Variants in NGF observed in about 807,000 individuals in gnomAD.
NGF encodes nerve growth factor.
In NGF, 4 loss-of-function variants were observed where a neutral mutation model predicts 12.8. The observed-to-expected ratio is 0.31, with a 90% confidence interval of 0.15 to 0.72. NGF has a LOEUF of 0.72. Ranked by LOEUF, NGF falls within the 30% of genes least tolerant of loss-of-function variation. NGF has a pLI of 0.69. For missense variants in NGF, 283 were observed against 330.8 expected, an observed-to-expected ratio of 0.86 and a Z score of 1.12; for synonymous variants, 140 against 130.0, an observed-to-expected ratio of 1.08 and a Z score of -0.52.
At chr1:115,332,046 T>C (rs755593952) in intron 1 of NGF, among the ~76,000 whole-genome samples, 1 of 152,222 alleles carries the variant, frequency 6.6e-6, no homozygotes, top group Non-Finnish European at 1.5e-5. Context: ...CCCACTGCCA[T>C]AGCAAAATTC....
intron 1 of NGF, among the ~76,000 whole-genome samples, chr1:115,299,018 T>A (rs549866474): frequency 2.6e-5 from 4 of 152,200 alleles, no homozygotes; most frequent in Non-Finnish European, 4.4e-5. Context: ...GAATTTGAAA[T>A]CTTTTCTAGT....
intron 2 of NGF, among the ~76,000 whole-genome samples, chr1:115,293,116 A>G (rs1279977696): frequency 2.0e-5 from 3 of 152,152 alleles, no homozygotes; most frequent in African/African-American, 4.8e-5. Context: ...TATTATTCCT[A>G]TTTTAACAAT....
At chr1:115,336,223 T>C (rs1447390073) in intron 1 of NGF, among the ~76,000 whole-genome samples, 1 of 152,140 alleles carries the variant, frequency 6.6e-6, no homozygotes, top group Non-Finnish European at 1.5e-5. Flanking sequence ...ATTTCTCTGG[T>C]GGGCCTGGGC....
chr1:115,293,482 G>T lies in NGF; in HGVS notation c.-13+145C>A, dbSNP rs3738701. The stretch of plus-strand genomic sequence containing the variant: ...TGAGTGGGCTAGGGGAGCTGCATTT[G>T]CTGCACCACTGAAAGCTTCTCTAGG... On this transcript the variant is annotated intron_variant, in intron 2 of 2. Coordinates refer to ENST00000369512, the MANE Select transcript of NGF (RefSeq NM_002506.3). The T allele has an allele frequency of 0.023, 3,475 of 152,558 alleles. 114 individuals carry two copies. Among genetic ancestry groups the T allele is most frequent in the East Asian group, 0.081 (420 of 5,172 alleles). 9.5% of individuals were successfully genotyped at this position (152,558 alleles called of 1,614,324 possible). A position where few individuals can be genotyped will look rare whatever the true frequency, so the allele number is the denominator to read the frequency against.
chr1:115,311,225 A>T (rs1191119203), intron 1 of NGF, among the ~76,000 whole-genome samples: 2 of 152,224 alleles, frequency 1.3e-5, no homozygotes, highest in African/African-American at 4.8e-5. Context: ...TTTAGTCAGC[A>T]GGAGTTCTTT....
At chr1:115,321,437 A>ATTTGC (rs1654622375) in intron 1 of NGF, among the ~76,000 whole-genome samples, 4 of 152,156 alleles carry the variant, frequency 2.6e-5, no homozygotes, top group Non-Finnish European at 5.9e-5. Flanking sequence ...CATTTATTAT[A>ATTTGC]AACAAAAGGA....
chr1:115,308,818 T>C (rs1654267751), intron 1 of NGF, among the ~76,000 whole-genome samples: 1 of 152,232 alleles, frequency 6.6e-6, no homozygotes, highest in Non-Finnish European at 1.5e-5. Context: ...GGGTGATTCT[T>C]AGTGTCATTC....
In NGF at chr1:115,321,576, A is replaced by ATGTG. The variant is rs59590858; in HGVS notation, c.-137+16624_-137+16627dup. On this transcript the variant is annotated intron_variant, in intron 1 of 2. Transcript: ENST00000369512. ...CACTTTTGCATGATGTGTGTATGGG[A>ATGTG]TGTGTGTGTGTGTGTGTGTGTGTGT... 7.2e-3 allele frequency among the ~76,000 whole-genome samples: 959 copies of ATGTG among 133,230 alleles called. 8 individuals are homozygous for ATGTG. The highest frequency in any genetic ancestry group is 0.014 in the South Asian group (48 of 3,504). The allele number at this position is 133,230 out of a possible 152,430, so 87.4% of individuals were successfully genotyped here.
chr1:115,307,258 G>T (rs183154678), intron 1 of NGF, among the ~76,000 whole-genome samples: 1 of 152,306 alleles, frequency 6.6e-6, no homozygotes, highest in East Asian at 1.9e-4. Context: ...GGATACAATT[G>T]AGAGAGGAGG....
intron 1 of NGF, among the ~76,000 whole-genome samples, chr1:115,319,111 C>T (rs1239422371): frequency 2.0e-5 from 3 of 152,244 alleles, no homozygotes; most frequent in African/African-American, 7.2e-5. Context: ...TTGCGTTCCA[C>T]AGTGTCTTCT....
At chr1:115,332,776 C>A (rs550007215) in intron 1 of NGF, among the ~76,000 whole-genome samples, 1 of 152,182 alleles carries the variant, frequency 6.6e-6, no homozygotes, top group East Asian at 1.9e-4. Flanking sequence ...CCCCGTCCTT[C>A]CCCCTGCTTA....
chr1:115,335,733 C>T (rs1475834146), intron 1 of NGF, among the ~76,000 whole-genome samples: 1 of 152,192 alleles, frequency 6.6e-6, no homozygotes, highest in Non-Finnish European at 1.5e-5. Flanking sequence ...CCAGGTCTGG[C>T]ACTGACATCT....
At chr1:115,306,604 G>C (rs996161941) in intron 1 of NGF, among the ~76,000 whole-genome samples, 1 of 152,182 alleles carries the variant, frequency 6.6e-6, no homozygotes, top group Non-Finnish European at 1.5e-5. Flanking sequence ...GAGTTGAGTA[G>C]ATAGCTTAAT....
In NGF at chr1:115,286,761, A is replaced by C. The variant is rs1553234832; in HGVS notation, c.35T>G (p.Phe12Cys). The C allele has an allele frequency of 1.9e-6, 3 of 1,614,080 alleles. No homozygotes were observed. Among genetic ancestry groups the C allele is most frequent in the Non-Finnish European group, 2.5e-6 (3 of 1,180,052 alleles). ...TGGTTCCGCCTGTATGCCGATCAGA[A>C]AAGCTGTGATCAGAGTGTAGAACAA... ...SMLFYTLITA[F>C]LIGIQAEPHS... is the part of the protein sequence containing the mutation. The change falls in exon 3 of 3, where the codon TTT (phenylalanine) becomes TGT (cysteine). Residue 12 changes from phenylalanine (F) to cysteine (C), a missense_variant. Phe to Cys is a radical substitution (Grantham distance 205). Transcript: ENST00000369512.
chr1:115,310,727 C>CTGTTATG (rs1212261788), intron 1 of NGF, among the ~76,000 whole-genome samples: 1 of 152,172 alleles, frequency 6.6e-6, no homozygotes, highest in Non-Finnish European at 1.5e-5. Flanking sequence ...TCAGGCTGTT[C>CTGTTATG]TGTTCTCCAA....
chr1:115,332,906 T>C (rs2101056881), intron 1 of NGF, among the ~76,000 whole-genome samples: 1 of 152,292 alleles, frequency 6.6e-6, no homozygotes, highest in Non-Finnish European at 1.5e-5. Flanking sequence ...GGGGGTTCAA[T>C]ACATATCCAT....
intron 1 of NGF, among the ~76,000 whole-genome samples, chr1:115,318,551 C>A (rs1421060167): frequency 6.6e-6 from 1 of 152,172 alleles, no homozygotes; most frequent in Non-Finnish European, 1.5e-5. Context: ...CAGCCAAGGG[C>A]CATCTTCATG....
chr1:115,300,678 T>C (rs1360527598), intron 1 of NGF, among the ~76,000 whole-genome samples: 1 of 152,248 alleles, frequency 6.6e-6, no homozygotes, highest in African/African-American at 2.4e-5. Context: ...CCAGAAAATC[T>C]GACTCAAGGC....
At chr1:115,287,155 G>A (rs1237769159) in intron 2 of NGF, among the ~76,000 whole-genome samples, 1 of 152,216 alleles carries the variant, frequency 6.6e-6, no homozygotes, top group African/African-American at 2.4e-5. Flanking sequence ...GAGGTGGTAA[G>A]TGTCCATGTG....
Sources: gnomAD v4.1 joint callset for allele counts (sites outside exome capture counted in the v4.1 genomes callset) on GRCh38, gnomAD v4.1.1 for gene constraint, MANE v1.5 for transcripts, NCBI Gene and HGNC (gene_info 2026-07-23, HGNC 2026-07-21) for gene names.